The following SLC22A15 variants were observed in gnomAD, a reference collection of about 807,000 sequenced individuals.
SLC22A15 encodes the protein solute carrier family 22 member 15.
A neutral mutation model predicts 62.7 loss-of-function variants in SLC22A15; 45 were observed. The ratio of observed to expected loss-of-function variants is 0.72; its 90% confidence interval spans 0.56 to 0.92. The LOEUF (loss-of-function observed/expected upper bound fraction) is 0.92, where lower values mean the gene tolerates loss of function less well. SLC22A15 is among the 40% of genes least tolerant of loss of function. The pLI, the probability that SLC22A15 is intolerant of heterozygous loss-of-function variation, is 0.00. For missense variants in SLC22A15, 622 were observed against 665.6 expected (o/e 0.93, Z 0.72); for synonymous variants, 264 against 267.0 (o/e 0.99, Z 0.11).
At chr1:116,020,606 G>T in intron 3 of SLC22A15, 115 bp from the exon 4 acceptor site, 1 of 889,110 alleles carries the variant, frequency 1.1e-6, no homozygotes, top group Non-Finnish European at 1.6e-6. Context: ...CACAAAAACA[G>T]CTCAGAAAAT....
rs143717507 is a variant in SLC22A15 at position 116,019,792 on chromosome 1, A to G, written c.433+78A>G. On this transcript the variant is annotated intron_variant, in intron 3 of 11. Transcript: ENST00000369503. ...TTCTTAGGGAAATAATAAGGGGACT[A>G]TTTCCTTAAGGTTCTCCGGGAATTG... is the stretch of plus-strand genomic sequence containing the variant. 800 of 1,459,152 alleles carry G rather than the reference A, an allele frequency of 5.5e-4. 12 individuals are homozygous for G. The East Asian group carries it at 0.018, about 33-fold the overall frequency. 90.4% of individuals were successfully genotyped at this position (1,459,152 alleles called of 1,614,324 possible). A position where few individuals can be genotyped will look rare whatever the true frequency, so the allele number is the denominator to read the frequency against.
chr1:116,008,972 G>A (rs961217274), intron 2 of SLC22A15, among the ~76,000 whole-genome samples: 13 of 152,148 alleles, frequency 8.5e-5, no homozygotes, highest in South Asian at 2.1e-4. Context: ...ACTCAAGTAC[G>A]GTGGAAGTAG....
At chr1:116,062,459 C>T (rs1430246434) in intron 8 of SLC22A15, among the ~76,000 whole-genome samples, 1 of 152,140 alleles carries the variant, frequency 6.6e-6, no homozygotes, top group Non-Finnish European at 1.5e-5. Flanking sequence ...CTTATAATTT[C>T]CATGAAGCTT....
At chr1:116,030,338 TTCCTAATTCACTA>T (rs1196674777) in intron 5 of SLC22A15, among the ~76,000 whole-genome samples, 1 of 152,226 alleles carries the variant, frequency 6.6e-6, no homozygotes, top group Non-Finnish European at 1.5e-5. Context: ...GTAGTGTTTG[TTCCTAATTCACTA>T]TCCTTATTAG....
At chr1:115,994,410 G>A (rs1004752538) in intron 2 of SLC22A15, among the ~76,000 whole-genome samples, 22 of 152,166 alleles carry the variant, frequency 1.4e-4, no homozygotes, top group Admixed American at 1.1e-3. Context: ...GAGATTTGAA[G>A]CTAAATTTGT....
chr1:115,983,990 A>G (rs953146814), intron 1 of SLC22A15, among the ~76,000 whole-genome samples: 4 of 152,224 alleles, frequency 2.6e-5, no homozygotes, highest in Admixed American at 2.6e-4. Flanking sequence ...GCATTCTAAC[A>G]TTGTGCATAT....
chr1:115,980,643 A>AAT (rs1483708680), intron 1 of SLC22A15, among the ~76,000 whole-genome samples: 2 of 152,196 alleles, frequency 1.3e-5, no homozygotes, highest in African/African-American at 4.8e-5. Flanking sequence ...TTGTTTCATA[A>AAT]ATATATATAA....
chr1:116,021,350 T>A (rs1179354007), intron 4 of SLC22A15, among the ~76,000 whole-genome samples: 1 of 152,212 alleles, frequency 6.6e-6, no homozygotes, highest in East Asian at 1.9e-4. Context: ...GATATTTAAT[T>A]TCCAAAATTG....
rs553872082 is a variant in SLC22A15 at position 116,035,003 on chromosome 1, T to C, written c.945-184T>C. Among the ~76,000 whole-genome samples, 4 of 152,322 alleles carry C rather than the reference T, an allele frequency of 2.6e-5. No homozygotes were observed. In the East Asian group the frequency reaches 5.8e-4, roughly 22 times the overall value. ...TTTCCAAACCCCCATAATTTTTTTGTTTTTTCCTAGTGTTGAAATTTAGAT... is the reference window on the plus strand; with the variant it reads ...TTTCCAAACCCCCATAATTTTTTTGCTTTTTCCTAGTGTTGAAATTTAGAT... On this transcript the variant is annotated intron_variant, in intron 6 of 11. Transcript: ENST00000369503.
At chr1:116,024,056 G>T (rs942349479) in intron 4 of SLC22A15, among the ~76,000 whole-genome samples, 2 of 152,184 alleles carry the variant, frequency 1.3e-5, no homozygotes, top group African/African-American at 4.8e-5. Flanking sequence ...AAGCCAGTGG[G>T]GCATATTAAA....
chr1:116,018,812 G>C (rs1440653870), intron 2 of SLC22A15, among the ~76,000 whole-genome samples: 1 of 152,112 alleles, frequency 6.6e-6, no homozygotes, highest in Non-Finnish European at 1.5e-5. Context: ...ATTATTGTTA[G>C]CTATAGTCAT....
rs74111145 is a variant in SLC22A15 at position 116,027,386 on chromosome 1, A to G, written c.728+364A>G. ...GAGGTATGATTTTGTAGAACAGTGTATTCATATTGGATATGTAGTGACAAC... is the reference window on the plus strand; with the variant it reads ...GAGGTATGATTTTGTAGAACAGTGTGTTCATATTGGATATGTAGTGACAAC... On this transcript the variant is annotated intron_variant, in intron 5 of 11. Transcript: ENST00000369503. The G allele has an allele frequency of 4.9e-3, 2,547 of 518,162 alleles. 48 individuals are homozygous for G. The highest frequency in any genetic ancestry group is 0.037 in the African/African-American group (1,909 of 52,136). 32.1% of individuals were successfully genotyped at this position (518,162 alleles called of 1,614,324 possible). A position where few individuals can be genotyped will look rare whatever the true frequency, so the allele number is the denominator to read the frequency against.
intron 8 of SLC22A15, among the ~76,000 whole-genome samples, chr1:116,038,682 T>C (rs190310515): frequency 6.6e-6 from 1 of 152,356 alleles, no homozygotes; most frequent in East Asian, 1.9e-4. Context: ...GGTGCTCAGT[T>C]TTGTTTGTCT....
At chr1:115,994,163 T>C (rs1655301454) in intron 2 of SLC22A15, among the ~76,000 whole-genome samples, 1 of 152,148 alleles carries the variant, frequency 6.6e-6, no homozygotes, top group South Asian at 2.1e-4. Flanking sequence ...CCGTGGCCTA[T>C]AGCAACCACC....
At chr1:116,060,303 G>A (rs540544577) in intron 8 of SLC22A15, among the ~76,000 whole-genome samples, 28 of 152,312 alleles carry the variant, frequency 1.8e-4, no homozygotes, top group African/African-American at 6.5e-4. Flanking sequence ...AGGCACATAC[G>A]AGAGAAGTTT....
chr1:116,033,602 T>TGTGG (rs1657522136), intron 6 of SLC22A15, among the ~76,000 whole-genome samples: 1 of 151,926 alleles, frequency 6.6e-6, no homozygotes, highest in Non-Finnish European at 1.5e-5. Context: ...TGTGTGTGTG[T>TGTGG]GGCTGGAATT....
At position 116,069,946 on chromosome 1, in the gene SLC22A15, T is replaced by C. The variant is rs900102824; in HGVS notation, c.*2838T>C. The C allele has an allele frequency of 1.2e-4, 19 of 152,236 alleles. No homozygotes were observed. The highest frequency in any genetic ancestry group is 4.1e-4 in the African/African-American group (17 of 41,472). 9.4% of individuals were successfully genotyped at this position (152,236 alleles called of 1,614,324 possible). A position where few individuals can be genotyped will look rare whatever the true frequency, so the allele number is the denominator to read the frequency against. On this transcript the variant is annotated 3_prime_UTR_variant, in exon 12 of 12. Coordinates refer to ENST00000369503, the MANE Select transcript of SLC22A15 (RefSeq NM_018420.3). Reference sequence around the variant, plus strand: ...AGGACTTCTCCATACAAATGCTTTATCATTGGTTCTTAAATTGGAAAAATA... The same window carrying C: ...AGGACTTCTCCATACAAATGCTTTACCATTGGTTCTTAAATTGGAAAAATA...
intron 8 of SLC22A15, among the ~76,000 whole-genome samples, chr1:116,045,666 G>T (rs557734860): frequency 8.8e-4 from 133 of 151,332 alleles, no homozygotes; most frequent in African/African-American, 2.6e-3. Flanking sequence ...TTGAACCCGG[G>T]GGGTAGAGGT....
chr1:116,010,789 G>A (rs1656210213), intron 2 of SLC22A15, among the ~76,000 whole-genome samples: 1 of 152,204 alleles, frequency 6.6e-6, no homozygotes, highest in African/African-American at 2.4e-5. Flanking sequence ...CTAGGAAGCT[G>A]CTATTGGCTT....
Sources: allele counts gnomAD v4.1 joint callset (sites outside exome capture counted in the v4.1 genomes callset), GRCh38; gene constraint gnomAD v4.1.1; transcripts MANE v1.5; gene names NCBI Gene and HGNC (gene_info 2026-07-23, HGNC 2026-07-21).